Variants in NCOA7 observed in about 807,000 individuals in gnomAD.
NCOA7 encodes the protein 140 kDa estrogen receptor-associated protein.
In NCOA7, 45 loss-of-function variants were observed where a neutral mutation model predicts 104.3. The ratio of observed to expected loss-of-function variants is 0.43; its 90% confidence interval spans 0.34 to 0.55. The LOEUF is 0.55. Ranked by LOEUF, NCOA7 falls within the 20% of genes least tolerant of loss-of-function variation. The pLI is 0.02. For missense variants in NCOA7, 1,041 were observed against 1,119.7 expected, an observed-to-expected ratio of 0.93 and a Z score of 1.00; for synonymous variants, 398 against 402.3, an observed-to-expected ratio of 0.99 and a Z score of 0.13.
chr6:125,818,120 CTTCT>C (rs1420987865), intron 2 of NCOA7, among the ~76,000 whole-genome samples: 1 of 151,272 alleles, frequency 6.6e-6, no homozygotes, highest in African/African-American at 2.4e-5. Flanking sequence ...TTACTTTCTT[CTTCT>C]TTCTTTTCTT....
intron 14 of NCOA7, 117 bp from the exon 15 acceptor site, chr6:125,928,057 T>C: frequency 1.0e-6 from 1 of 981,384 alleles, no homozygotes; most frequent in Non-Finnish European, 1.6e-6. Context: ...GTCAGGAACT[T>C]CCTCCGTCAA....
chr6:125,805,391 A>C (rs1260698785), intron 1 of NCOA7, among the ~76,000 whole-genome samples: 2 of 151,946 alleles, frequency 1.3e-5, no homozygotes, highest in Admixed American at 1.3e-4. Context: ...CACTGTGCCC[A>C]GCCCCTGTCT....
intron 11 of NCOA7, 29 bp downstream of exon 11, chr6:125,915,509 G>T (rs374731809): frequency 2.5e-5 from 40 of 1,612,424 alleles, no homozygotes; most frequent in Non-Finnish European, 2.9e-5. Flanking sequence ...TTAGACCGTC[G>T]TAGTTCCTAA....
intron 1 of NCOA7, among the ~76,000 whole-genome samples, chr6:125,795,890 C>G (rs1198567367): frequency 6.6e-6 from 1 of 152,182 alleles, no homozygotes; most frequent in Non-Finnish European, 1.5e-5. Context: ...TCATGCACAG[C>G]AAATACCATT....
intron 10 of NCOA7, among the ~76,000 whole-genome samples, chr6:125,892,443 G>A (rs1583476815): frequency 6.6e-6 from 1 of 152,092 alleles, no homozygotes; most frequent in Non-Finnish European, 1.5e-5. Context: ...GGCCGAGGCG[G>A]GTGAATCACC....
intron 1 of NCOA7, among the ~76,000 whole-genome samples, chr6:125,793,532 T>C (rs1345545671): frequency 6.6e-6 from 1 of 152,188 alleles, no homozygotes; most frequent in Non-Finnish European, 1.5e-5. Context: ...ATTGGTTGAC[T>C]CACTTTTGGG....
At chr6:125,926,081 C>A (rs923759816) in intron 13 of NCOA7, among the ~76,000 whole-genome samples, 5 of 152,080 alleles carry the variant, frequency 3.3e-5, no homozygotes, top group African/African-American at 1.2e-4. Flanking sequence ...TAGGCCGAGG[C>A]AGGTGGATCA....
In NCOA7 at chr6:125,931,276, G is replaced by A. The variant is rs1788453606; in HGVS notation, c.*2505G>A. 6.6e-6 allele frequency: 1 copy of A among 152,044 alleles called. No homozygotes were observed. The highest frequency in any genetic ancestry group is 6.6e-5 in the Admixed American group (1 of 15,248). 9.4% of individuals were successfully genotyped at this position (152,044 alleles called of 1,614,324 possible). On this transcript the variant is annotated 3_prime_UTR_variant, in exon 16 of 16. Coordinates refer to ENST00000392477, the MANE Select transcript of NCOA7 (RefSeq NM_181782.5). ...ATTCCCTGTAGCCACCCTCCTAATT[G>A]TCTCATCAGTTCACGGAAACTGCTC...
chr6:125,805,470 G>A (rs1145981), intron 1 of NCOA7, among the ~76,000 whole-genome samples: 8,335 of 152,116 alleles, frequency 0.055, 744 homozygotes, highest in African/African-American at 0.19. Flanking sequence ...TGTAGTAATA[G>A]CCCACCCTTA....
chr6:125,904,020 T>C (rs1206742518), intron 10 of NCOA7, among the ~76,000 whole-genome samples: 1 of 152,190 alleles, frequency 6.6e-6, no homozygotes, highest in Non-Finnish European at 1.5e-5. Flanking sequence ...TATGTAAGTA[T>C]TAAAATATGT....
At chr6:125,797,918 A>C (rs1421404364) in intron 1 of NCOA7, 3 of 152,214 alleles carry the variant, frequency 2.0e-5, no homozygotes, top group Non-Finnish European at 4.4e-5. Flanking sequence ...TTAACTCTGA[A>C]AACCTTTATA....
At chr6:125,832,526 T>A (rs1779274967) in intron 2 of NCOA7, among the ~76,000 whole-genome samples, 1 of 152,212 alleles carries the variant, frequency 6.6e-6, no homozygotes. Context: ...TTGAAGTTTG[T>A]ACCCTGGATA....
At chr6:125,882,982 T>A (rs1438648861) in intron 7 of NCOA7, among the ~76,000 whole-genome samples, 1 of 152,168 alleles carries the variant, frequency 6.6e-6, no homozygotes, top group African/African-American at 2.4e-5. Context: ...ATTTAACTAA[T>A]AGGATATGAT....
At chr6:125,844,909 C>A (rs1583355167) in intron 2 of NCOA7, among the ~76,000 whole-genome samples, 1 of 152,170 alleles carries the variant, frequency 6.6e-6, no homozygotes, top group East Asian at 1.9e-4. Context: ...TTCCTGGAAA[C>A]CAGGCACAGG....
rs963210669 is a variant in NCOA7 at position 125,929,937 on chromosome 6, T to C, written c.*1166T>C. On this transcript the variant is annotated 3_prime_UTR_variant, in exon 16 of 16. Transcript: ENST00000392477. ...AAACGTCAAATTGGACCAATTGTCT[T>C]GGTTTCTTGATTCATTTATTTGAGA... 3.9e-5 allele frequency: 6 copies of C among 152,356 alleles called. No individual in the cohort carries two copies. The highest frequency in any genetic ancestry group is 5.9e-5 in the Non-Finnish European group (4 of 68,030). 9.4% of individuals were successfully genotyped at this position (152,356 alleles called of 1,614,324 possible).
chr6:125,829,998 C>T (rs1210506638), intron 2 of NCOA7, among the ~76,000 whole-genome samples: 3 of 152,122 alleles, frequency 2.0e-5, no homozygotes, highest in African/African-American at 7.2e-5. Context: ...TTTGGAATAT[C>T]TACTGCCTTT....
At chr6:125,909,702 C>T (rs1488511905) in intron 10 of NCOA7, among the ~76,000 whole-genome samples, 1 of 152,042 alleles carries the variant, frequency 6.6e-6, no homozygotes, top group African/African-American at 2.4e-5. Flanking sequence ...CTCACCTAGT[C>T]AGGAGGCTGA....
chr6:125,817,623 T>G (rs1450091220), intron 2 of NCOA7, among the ~76,000 whole-genome samples: 1 of 152,180 alleles, frequency 6.6e-6, no homozygotes, highest in African/African-American at 2.4e-5. Context: ...ATTGTTTAGG[T>G]TTTTACTGTT....
At position 125,883,753 on chromosome 6, in the gene NCOA7, C is replaced by G. The variant is rs972010581; in HGVS notation, c.699+1202C>G. Reference sequence around the variant, plus strand: ...TTTTTTTTTGAGACAGAGTTTTGCTCTTGTCACCCAGGCTGGAGTGCAATG... The same window carrying G: ...TTTTTTTTTGAGACAGAGTTTTGCTGTTGTCACCCAGGCTGGAGTGCAATG... On this transcript the variant is annotated intron_variant, in intron 7 of 15. Coordinates refer to ENST00000392477, the MANE Select transcript of NCOA7 (RefSeq NM_181782.5). Among the ~76,000 whole-genome samples, 82 of 114,516 alleles carry G rather than the reference C, an allele frequency of 7.2e-4. No individual in the cohort carries two copies. The Middle Eastern group carries it at 0.023, about 33-fold the overall frequency. 75.1% of individuals were successfully genotyped at this position (114,516 alleles called of 152,430 possible). A position where few individuals can be genotyped will look rare whatever the true frequency, so the allele number is the denominator to read the frequency against.
Sources: gnomAD v4.1 joint callset for allele counts (sites outside exome capture counted in the v4.1 genomes callset) on GRCh38, gnomAD v4.1.1 for gene constraint, MANE v1.5 for transcripts, NCBI Gene and HGNC (gene_info 2026-07-23, HGNC 2026-07-21) for gene names.